CUX1: variants seen among roughly 807,000 people sequenced by gnomAD.
CUX1 encodes cut like homeobox 1.
In CUX1, 31 loss-of-function variants were observed where a neutral mutation model predicts 158.8. The observed-to-expected ratio is 0.20, with a 90% CI of 0.15 to 0.26. The LOEUF (loss-of-function observed/expected upper bound fraction) is 0.26. CUX1 is among the 10% of genes least tolerant of loss of function. The pLI is 1.00. For missense variants in CUX1, 1,589 were observed against 2,014.6 expected (o/e 0.79, Z 4.04); for synonymous variants, 879 against 862.1 (o/e 1.02, Z -0.34).
intron 1 of CUX1, among the ~76,000 whole-genome samples, chr7:101,842,870 C>CTT (rs746639349): frequency 2.0e-4 from 19 of 95,626 alleles, no homozygotes; most frequent in Middle Eastern, 6.8e-3. Context: ...TAAAATTATT[C>CTT]TATTTTTTTT....
At chr7:102,018,274 T>C (rs1175888857) in intron 2 of CUX1, among the ~76,000 whole-genome samples, 1 of 152,226 alleles carries the variant, frequency 6.6e-6, no homozygotes, top group East Asian at 1.9e-4. Context: ...GGTTTCGACA[T>C]GAGCAGTTAT....
chr7:101,977,940 C>G (rs1227705769), intron 2 of CUX1, among the ~76,000 whole-genome samples: 2 of 151,986 alleles, frequency 1.3e-5, no homozygotes, highest in East Asian at 3.9e-4. Flanking sequence ...CTCTTGAGAG[C>G]AGACCACTTT....
intron 10 of CUX1, among the ~76,000 whole-genome samples, chr7:102,173,410 A>G (rs1432168063): frequency 1.3e-5 from 2 of 152,192 alleles, no homozygotes; most frequent in Admixed American, 6.5e-5. Flanking sequence ...TGTAGAGAAA[A>G]GATTTGCATT....
intron 2 of CUX1, among the ~76,000 whole-genome samples, chr7:102,016,749 G>A (rs1340738500): frequency 6.6e-6 from 1 of 152,180 alleles, no homozygotes; most frequent in Non-Finnish European, 1.5e-5. Context: ...ACATTCTTGT[G>A]CATAAATCTC....
intron 21 of CUX1, among the ~76,000 whole-genome samples, chr7:102,231,901 G>C (rs190412129): frequency 4.3e-4 from 66 of 151,870 alleles, no homozygotes; most frequent in African/African-American, 1.5e-3. Flanking sequence ...TTTTAGTAGA[G>C]ACGGGGTTTT....
chr7:102,178,321 A>G, intron 10 of CUX1, 148 bp from the exon 11 acceptor site: 1 of 745,028 alleles, frequency 1.3e-6, no homozygotes, highest in East Asian at 2.7e-5. Context: ...GCATAGGGGA[A>G]GTGCAAGCAA....
chr7:101,934,856 T>C (rs569052486), intron 2 of CUX1, among the ~76,000 whole-genome samples: 15 of 152,310 alleles, frequency 9.8e-5, no homozygotes, highest in African/African-American at 3.6e-4. Flanking sequence ...TTCGGGTTTT[T>C]TTCAAGTCTG....
Position 102,256,325 on chromosome 7 carries a change from T to A in CUX1, c.*7283T>A, listed in dbSNP as rs1047180094. ...GGATGTTTCCTTGAGAAAAAAAAAA[T>A]TATTTCTATCCTCTTCTATTTATTA... On this transcript the variant is annotated 3_prime_UTR_variant, in exon 24 of 24. Transcript: ENST00000292535. 7 of 983,420 alleles carry A rather than the reference T, an allele frequency of 7.1e-6. No individual in the cohort carries two copies. Among genetic ancestry groups the A allele is most frequent in the Non-Finnish European group, 8.5e-6 (7 of 828,216 alleles). The allele number at this position is 983,420 out of a possible 1,614,324, so 60.9% of individuals were successfully genotyped here.
rs372922943 is a variant in CUX1 at position 101,869,933 on chromosome 7, G to T, written c.31-46182G>T. ...TCTGCCATCCCCTTCCAGGTGCCCC[G>T]CAGAACCACCACCCTTGGGAAGGCG... On this transcript the variant is annotated intron_variant, in intron 1 of 23. Coordinates refer to ENST00000292535, the MANE Select transcript of CUX1 (RefSeq NM_181552.4). The surrounding 1 kb of genome is among the most constrained non-coding windows in gnomAD (Gnocchi z 4.5). Among the ~76,000 whole-genome samples, 2 of 151,956 alleles carry T rather than the reference G, an allele frequency of 1.3e-5. No individual in the cohort carries two copies. The highest frequency in any genetic ancestry group is 4.8e-5 in the African/African-American group (2 of 41,350).
At chr7:101,895,908 G>GTTTT (rs869038068) in intron 1 of CUX1, among the ~76,000 whole-genome samples, 1 of 93,998 alleles carries the variant, frequency 1.1e-5, no homozygotes, top group South Asian at 2.9e-4. Flanking sequence ...TTTTGTTTTT[G>GTTTT]TTTTTTTTTT....
intron 3 of CUX1, among the ~76,000 whole-genome samples, chr7:102,063,342 T>G (rs1055356506): frequency 2.6e-5 from 4 of 151,604 alleles, no homozygotes; most frequent in African/African-American, 4.8e-5. Flanking sequence ...AACAGATGCT[T>G]ACTACACAGA....
In CUX1 at chr7:101,932,471, C is replaced by T. The variant is rs569202615; in HGVS notation, c.141+16246C>T. The T allele has an allele frequency of 1.2e-4, 50 of 410,978 alleles. 2 individuals carry two copies. Among genetic ancestry groups the T allele is most frequent in the Middle Eastern group, 1.0e-3 (3 of 2,874 alleles). The allele number at this position is 410,978 out of a possible 1,614,324, so 25.5% of individuals were successfully genotyped here. A position where few individuals can be genotyped will look rare whatever the true frequency, so the allele number is the denominator to read the frequency against. On this transcript the variant is annotated intron_variant, in intron 2 of 23. Coordinates refer to ENST00000292535, the MANE Select transcript of CUX1 (RefSeq NM_181552.4). ...CACTTTTGCATTTTAAAACGTGCAT[C>T]GCTTACGAGCGCAGCATTTTCAAGC...
intron 8 of CUX1, chr7:102,125,390 CA>C (rs1563277579): frequency 6.6e-6 from 1 of 152,338 alleles, no homozygotes; most frequent in Non-Finnish European, 1.5e-5. Flanking sequence ...CAGCCTGGAA[CA>C]TTCACGCCAC....
chr7:101,971,043 G>A (rs1811885667), intron 2 of CUX1, among the ~76,000 whole-genome samples: 1 of 152,220 alleles, frequency 6.6e-6, no homozygotes, highest in Admixed American at 6.5e-5. Context: ...ACGTTCACAT[G>A]TATCTACTAA....
In CUX1 at chr7:102,198,816, A is replaced by G; in HGVS notation, c.1909A>G (p.Ser637Gly). The part of the protein sequence containing the change: ...QGRQRENPGQ[S>G]LNRLFQEVPK... ...TTTTTCAACAGAGAATCCAGGCCAG[A>G]GCCTGAACAGACTATTTCAGGAAGT... The change falls in exon 16 of 24, where the codon AGC (serine) becomes GGC (glycine). Residue 637 changes from serine (S) to glycine (G), a missense_variant. By Grantham distance (56) the Ser-to-Gly change is moderately conservative. Transcript: ENST00000292535. The G allele has an allele frequency of 6.2e-7, 1 of 1,614,164 alleles. No individual in the cohort carries two copies. Among genetic ancestry groups the G allele is most frequent in the South Asian group, 1.1e-5 (1 of 91,086 alleles).
At chr7:102,273,531 C>A in intron 15 of CUX1, 2 of 1,579,116 alleles carry the variant, frequency 1.3e-6, no homozygotes, top group Non-Finnish European at 8.6e-7. Context: ...ATCTCGATAC[C>A]TGCCCAACTG....
intron 1 of CUX1, among the ~76,000 whole-genome samples, chr7:101,859,915 T>C (rs1260717281): frequency 6.6e-6 from 1 of 151,970 alleles, no homozygotes; most frequent in Non-Finnish European, 1.5e-5. Context: ...TATTTCCTTC[T>C]TTCCTTTGTC....
In CUX1 at chr7:101,938,117, A is replaced by AT. The variant is rs534059788; in HGVS notation, c.141+21907dup. 9.8e-3 allele frequency among the ~76,000 whole-genome samples: 1,385 copies of AT among 140,642 alleles called. 14 individuals are homozygous for AT. The highest frequency in any genetic ancestry group is 0.029 in the Admixed American group (410 of 14,032). 92.3% of individuals were successfully genotyped at this position (140,642 alleles called of 152,430 possible). The stretch of plus-strand genomic sequence containing the variant: ...GATATCCATGTTTTTTGGTGTGTGT[A>AT]TTTTTTTTTTTTTTTGAGACAGTCT... On this transcript the variant is annotated intron_variant, in intron 2 of 23. Coordinates refer to ENST00000292535, the MANE Select transcript of CUX1 (RefSeq NM_181552.4).
intron 10 of CUX1, among the ~76,000 whole-genome samples, chr7:102,175,194 C>A (rs1187263097): frequency 6.6e-6 from 1 of 152,194 alleles, no homozygotes; most frequent in Non-Finnish European, 1.5e-5. Context: ...GCTGCCCGGT[C>A]CCCACTCTGG....
Sources: gnomAD v4.1 joint callset for allele counts (sites outside exome capture counted in the v4.1 genomes callset) on GRCh38, gnomAD v4.1.1 for gene constraint, Gnocchi (gnomAD v3.1) non-coding constraint, MANE v1.5 for transcripts, NCBI Gene and HGNC (gene_info 2026-07-23, HGNC 2026-07-21) for gene names.